The following CREBZF variants were observed in gnomAD, a reference collection of about 807,000 sequenced individuals.
The protein encoded by CREBZF is CREB/ATF bZIP transcription factor, also known as HCF-binding transcription factor Zhangfei.
A neutral mutation model predicts 21.1 loss-of-function variants in CREBZF; 8 were observed. That is an observed-to-expected ratio of 0.38 (90% CI 0.22 to 0.68). The LOEUF (loss-of-function observed/expected upper bound fraction) is 0.68, where lower values mean the gene tolerates loss of function less well. Among genes scored for constraint, CREBZF ranks in the 30% least tolerant of loss-of-function variants. CREBZF has a pLI of 0.51. For missense variants in CREBZF, 518 were observed against 484.3 expected, an observed-to-expected ratio of 1.07 and a Z score of -0.65; for synonymous variants, 270 against 223.3, an observed-to-expected ratio of 1.21 and a Z score of -1.86.
intron 1 of CREBZF, among the ~76,000 whole-genome samples, chr11:85,682,228 A>G (rs1031380994): frequency 2.0e-5 from 3 of 151,738 alleles, no homozygotes; most frequent in African/African-American, 7.3e-5. Context: ...CTTTTTTTTC[A>G]TCCGTAAAAT....
rs2082819074 is a variant in CREBZF, at chr11:85,664,822, G to C, written c.54C>G (p.Thr18=). 2 of 1,547,562 alleles carry C rather than the reference G, an allele frequency of 1.3e-6. No individual in the cohort carries two copies. Among genetic ancestry groups the C allele is most frequent in the African/African-American group, 2.8e-5 (2 of 72,374 alleles). Residue 18 remains threonine, a synonymous_variant, in exon 1 of 1, where the codon ACC becomes ACG. Transcript: ENST00000527447. The surrounding 1 kb of genome is among the most constrained non-coding windows in gnomAD (Gnocchi z 5.5). ...CAGCCGGCTCCGGGCTCTCACTGCG[G>C]GTTGGGGAGTTGCTGCCCGAGGCTG... ...LLAASGSNSP[T]RSESPEPAAT...
In CREBZF at chr11:85,658,662, G is replaced by C. The variant is rs563064967; in HGVS notation, c.*5149C>G. 6.8e-6 allele frequency among the ~76,000 whole-genome samples: 1 copy of C among 147,424 alleles called. No individual in the cohort carries two copies. Among genetic ancestry groups the C allele is most frequent in the East Asian group, 2.0e-4 (1 of 4,992 alleles). On this transcript the variant is annotated 3_prime_UTR_variant, in exon 1 of 1. Coordinates refer to ENST00000527447, the MANE Select transcript of CREBZF (RefSeq NM_001039618.4). ...GTTATTTGGCTTAAAAAAAAAAAAA[G>C]AGGGCTCACATTCTATTTAAATTAA...
chr11:85,669,001 C>CAAAAAAAAAAAAAAAAAAAAA (rs61718728), upstream of CREBZF, among the ~76,000 whole-genome samples: 6 of 33,218 alleles, frequency 1.8e-4, no homozygotes, highest in Non-Finnish European at 4.3e-4. Flanking sequence ...GACTCCGTCT[C>CAAAAAAAAAAAAAAAAAAAAA]AAAAAAAAAA....
At chr11:85,682,833 T>G (rs1454380341) in exon 1 of CREBZF, 2 of 702,036 alleles carry the variant, frequency 2.8e-6, no homozygotes, top group Non-Finnish European at 5.2e-6. Flanking sequence ...CAATTTGGGA[T>G]GGATGAGCCG....
chr11:85,664,395 C>T lies in CREBZF; in HGVS notation c.481G>A (p.Asp161Asn), dbSNP rs1458624483. 1 of 1,613,846 alleles carries T rather than the reference C, an allele frequency of 6.2e-7. No individual in the cohort carries two copies. Among genetic ancestry groups the T allele is most frequent in the Admixed American group, 1.7e-5 (1 of 60,022 alleles). ...CCGTTTAACAGCCTTTGCAGCAGGT[C>T]AGAGAAGCGCTGCATTTCAGCAGCC... is the stretch of plus-strand genomic sequence containing the variant. ...AAAAEMQRFS[D>N]LLQRLLNGIG... Residue 161 changes from aspartate to asparagine, a missense_variant, in exon 1 of 1, where the codon GAC becomes AAC. Asp to Asn is a conservative substitution (Grantham distance 23, BLOSUM62 1). This residue lies in a region of CREBZF where 396 missense variants were observed against 324.4 expected (regional missense o/e 1.22). Coordinates refer to ENST00000527447, the MANE Select transcript of CREBZF (RefSeq NM_001039618.4). The surrounding 1 kb of genome is among the most constrained non-coding windows in gnomAD (Gnocchi z 5.5).
At chr11:85,668,951 G>A (rs1038378667), upstream of CREBZF, among the ~76,000 whole-genome samples, 2 of 128,246 alleles carry the variant, frequency 1.6e-5, no homozygotes, top group South Asian at 2.6e-4. Context: ...GCAGTGAGCC[G>A]AGATCGCGCC....
chr11:85,664,075 T>C lies in CREBZF; in HGVS notation c.801A>G (p.Leu267=). 1 of 1,613,610 alleles carries C rather than the reference T, an allele frequency of 6.2e-7. No homozygotes were observed. The highest frequency in any genetic ancestry group is 8.5e-7 in the Non-Finnish European group (1 of 1,180,026). ...VQALQEESRY[L]RAVLANETGL... is the part of the protein sequence containing the mutation. ...CAGTCTCGTTGGCTAAGACTGCCCG[T>C]AGGTAGCGACTCTCCTCCTGCAGTG... is the stretch of plus-strand genomic sequence containing the variant. Residue 267 remains leucine, a synonymous_variant, in exon 1 of 1, where the codon CTA becomes CTG. Transcript: ENST00000527447. The surrounding 1 kb of genome is among the most constrained non-coding windows in gnomAD (Gnocchi z 5.5).
chr11:85,660,497 CA>C lies in CREBZF; in HGVS notation c.*3313del. On this transcript the variant is annotated 3_prime_UTR_variant, in exon 1 of 1. Coordinates refer to ENST00000527447, the MANE Select transcript of CREBZF (RefSeq NM_001039618.4). The stretch of plus-strand genomic sequence containing the variant: ...GGCATTCATTTTTTTCAGCAGATGC[CA>C]AATTTTTGACCGACATGGTTCTCAC... 2.5e-6 allele frequency: 1 copy of C among 404,876 alleles called. No individual in the cohort carries two copies. The highest frequency in any genetic ancestry group is 1.8e-5 in the South Asian group (1 of 56,756). The allele number at this position is 404,876 out of a possible 1,614,324, so 25.1% of individuals were successfully genotyped here.
chr11:85,661,215 A>C lies in CREBZF; in HGVS notation c.*2596T>G, dbSNP rs1253289254. The C allele has an allele frequency of 6.6e-6, 1 of 152,504 alleles. No individual in the cohort carries two copies. Among genetic ancestry groups the C allele is most frequent in the Non-Finnish European group, 1.5e-5 (1 of 67,954 alleles). The allele number at this position is 152,504 out of a possible 1,614,324, so 9.4% of individuals were successfully genotyped here. On this transcript the variant is annotated 3_prime_UTR_variant, in exon 1 of 1. Transcript: ENST00000527447. Reference sequence around the variant, plus strand: ...TGTGCTTACACATAAATATGACCAAATTTATTTAAAGCCCCTATTAGATAG... The same window carrying C: ...TGTGCTTACACATAAATATGACCAACTTTATTTAAAGCCCCTATTAGATAG...
chr11:85,664,217 A>C lies in CREBZF; in HGVS notation c.659T>G (p.Leu220Arg). 1.9e-6 allele frequency: 3 copies of C among 1,612,616 alleles called. No homozygotes were observed. Among genetic ancestry groups the C allele is most frequent in the Non-Finnish European group, 2.5e-6 (3 of 1,179,790 alleles). ...GTACTCCTTCTTCTTCAGTCGATTAAGGCGGGCAGCGGCCGCCGCCGCCTT... is the reference window on the plus strand; with the variant it reads ...GTACTCCTTCTTCTTCAGTCGATTACGGCGGGCAGCGGCCGCCGCCGCCTT... ...PRKAAAAAAR[L>R]NRLKKKEYVM... The change falls in exon 1 of 1, where the codon CTT becomes CGT. Residue 220 changes from leucine (L) to arginine (R), a missense_variant. Leu to Arg is a moderately radical substitution (Grantham distance 102). Transcript: ENST00000527447. This position sits in a 1 kb window ranked among gnomAD's most constrained non-coding sequence, Gnocchi z 5.5.
In CREBZF at chr11:85,663,349, A is replaced by G. The variant is rs982428448; in HGVS notation, c.*462T>C. On this transcript the variant is annotated 3_prime_UTR_variant, in exon 1 of 1. Transcript: ENST00000527447. Reference sequence around the variant, plus strand: ...CAACCAGAAGAGGCATCTTAAATACATTCTTGACCAGCACAAGTCTGTTTC... The same window carrying G: ...CAACCAGAAGAGGCATCTTAAATACGTTCTTGACCAGCACAAGTCTGTTTC... 8 of 612,460 alleles carry G rather than the reference A, an allele frequency of 1.3e-5. No homozygotes were observed. 37.9% of individuals were successfully genotyped at this position (612,460 alleles called of 1,614,324 possible). A position where few individuals can be genotyped will look rare whatever the true frequency, so the allele number is the denominator to read the frequency against.
intron 1 of CREBZF, among the ~76,000 whole-genome samples, chr11:85,677,108 C>T (rs1259960511): frequency 2.6e-5 from 4 of 151,578 alleles, no homozygotes. Context: ...GGATTATAGG[C>T]GCCAGCCACC....
Position 85,661,718 on chromosome 11 carries a change from G to A in CREBZF, c.*2093C>T, listed in dbSNP as rs1384050528. 6.6e-6 allele frequency: 1 copy of A among 152,416 alleles called. No homozygotes were observed. Among genetic ancestry groups the A allele is most frequent in the East Asian group, 1.9e-4 (1 of 5,196 alleles). 9.4% of individuals were successfully genotyped at this position (152,416 alleles called of 1,614,324 possible). A position where few individuals can be genotyped will look rare whatever the true frequency, so the allele number is the denominator to read the frequency against. Reference sequence around the variant, plus strand: ...TTCATCCATTATTTTCCAATATCATGTTAGAGATGAATAAATTCTTTGAGC... The same window carrying A: ...TTCATCCATTATTTTCCAATATCATATTAGAGATGAATAAATTCTTTGAGC... On this transcript the variant is annotated 3_prime_UTR_variant, in exon 1 of 1. Coordinates refer to ENST00000527447, the MANE Select transcript of CREBZF (RefSeq NM_001039618.4).
At position 85,664,902 on chromosome 11, in the gene CREBZF, C is replaced by T; in HGVS notation, c.-27G>A. 7.0e-7 allele frequency: 1 copy of T among 1,431,366 alleles called. No homozygotes were observed. The highest frequency in any genetic ancestry group is 9.1e-7 in the Non-Finnish European group (1 of 1,097,040). 88.7% of individuals were successfully genotyped at this position (1,431,366 alleles called of 1,614,324 possible). On this transcript the variant is annotated 5_prime_UTR_variant, in exon 1 of 1. Transcript: ENST00000527447. The surrounding 1 kb of genome is among the most constrained non-coding windows in gnomAD (Gnocchi z 5.5). ...AGGGCCAGCGGCGGGCCGCGGTAGG[C>T]CCCGGCCGCTAAGAGTGGGCCTCAC... is the stretch of plus-strand genomic sequence containing the variant.
At chr11:85,680,116 G>A (rs887854320) in intron 1 of CREBZF, among the ~76,000 whole-genome samples, 2 of 152,114 alleles carry the variant, frequency 1.3e-5, no homozygotes, top group African/African-American at 2.4e-5. Context: ...AGCTGGAAAT[G>A]TTTGCATGCT....
At chr11:85,675,311 T>C (rs1391566582) in intron 1 of CREBZF, among the ~76,000 whole-genome samples, 4 of 152,240 alleles carry the variant, frequency 2.6e-5, no homozygotes, top group Non-Finnish European at 4.4e-5. Flanking sequence ...AAGTGAGAGA[T>C]GTATAACTCT....
chr11:85,657,999 C>A lies in CREBZF; in HGVS notation c.*5812G>T, dbSNP rs2082565141. On this transcript the variant is annotated 3_prime_UTR_variant, in exon 1 of 1. Transcript: ENST00000527447. The stretch of plus-strand genomic sequence containing the variant: ...AAAAATATATATAACATTTAAAGGG[C>A]AAAACAATATAGCTGTTTATTTTAC... Among the ~76,000 whole-genome samples, 1 of 151,710 alleles carries A rather than the reference C, an allele frequency of 6.6e-6. No individual in the cohort carries two copies. Among genetic ancestry groups the A allele is most frequent in the African/African-American group, 2.4e-5 (1 of 41,342 alleles).
Position 85,664,808 on chromosome 11 carries a change from G to C in CREBZF, c.68C>G (p.Pro23Arg). The change falls in exon 1 of 1, where the codon CCG becomes CGG. Residue 23 changes from proline (P) to arginine (R), a missense_variant. By Grantham distance (103) the Pro-to-Arg change is moderately radical. Coordinates refer to ENST00000527447, the MANE Select transcript of CREBZF (RefSeq NM_001039618.4). This position sits in a 1 kb window ranked among gnomAD's most constrained non-coding sequence, Gnocchi z 5.5. ...CAGCGAACAAGTTGCAGCCGGCTCCGGGCTCTCACTGCGGGTTGGGGAGTT... is the reference window on the plus strand; with the variant it reads ...CAGCGAACAAGTTGCAGCCGGCTCCCGGCTCTCACTGCGGGTTGGGGAGTT... ...GSNSPTRSESPEPAATCSLPS... is the reference protein window; with the variant it reads ...GSNSPTRSESREPAATCSLPS... 3 of 1,569,404 alleles carry C rather than the reference G, an allele frequency of 1.9e-6. No homozygotes were observed. Among genetic ancestry groups the C allele is most frequent in the Non-Finnish European group, 2.6e-6 (3 of 1,161,526 alleles).
At chr11:85,666,280 T>A (rs888984241), upstream of CREBZF, among the ~76,000 whole-genome samples, 19 of 152,224 alleles carry the variant, frequency 1.2e-4, no homozygotes, top group Admixed American at 3.9e-4. Context: ...GATTTGAGAT[T>A]TGAAGCAGTT....
Sources: gnomAD v4.1 joint callset for allele counts (sites outside exome capture counted in the v4.1 genomes callset) on GRCh38, gnomAD v4.1.1 for gene constraint, gnomAD v4.1.1 regional missense constraint, Gnocchi (gnomAD v3.1) non-coding constraint, MANE v1.5 for transcripts, NCBI Gene and HGNC (gene_info 2026-07-23, HGNC 2026-07-21) for gene names.